ATP8B1: variants seen among roughly 807,000 people sequenced by gnomAD.
ATP8B1 encodes phospholipid-transporting ATPase IC.
Under a neutral mutation model 149.9 loss-of-function variants are expected in ATP8B1, and 80 were observed. The observed-to-expected ratio is 0.53, with a 90% confidence interval of 0.45 to 0.64. The LOEUF (loss-of-function observed/expected upper bound fraction) is 0.64. Ranked by LOEUF, ATP8B1 falls within the 30% of genes least tolerant of loss-of-function variation. ATP8B1 has a pLI of 0.00. For missense variants in ATP8B1, 1,247 were observed against 1,552.6 expected, an observed-to-expected ratio of 0.80 and a Z score of 3.31; for synonymous variants, 536 against 562.8, an observed-to-expected ratio of 0.95 and a Z score of 0.67.
At chr18:57,649,411 A>G (rs1254168140) in intron 27 of ATP8B1, among the ~76,000 whole-genome samples, 2 of 152,140 alleles carry the variant, frequency 1.3e-5, no homozygotes, top group African/African-American at 2.4e-5. Context: ...CTCTGAAGCT[A>G]GTGCCCTTTT....
chr18:57,700,805 C>T (rs1039297855), intron 6 of ATP8B1, among the ~76,000 whole-genome samples: 8 of 152,120 alleles, frequency 5.3e-5, no homozygotes, highest in Non-Finnish European at 1.2e-4. Flanking sequence ...GTAATCCCAT[C>T]TACTCGGAGG....
intron 2 of ATP8B1, among the ~76,000 whole-genome samples, chr18:57,708,313 A>G (rs529944776): frequency 7.2e-5 from 11 of 152,234 alleles, no homozygotes; most frequent in African/African-American, 2.4e-4. Context: ...CAGTTGTGTT[A>G]TTACAAATGA....
intron 2 of ATP8B1, among the ~76,000 whole-genome samples, chr18:57,724,497 A>G (rs986310538): frequency 6.6e-6 from 1 of 152,200 alleles, no homozygotes; most frequent in Non-Finnish European, 1.5e-5. Flanking sequence ...AACACATGAA[A>G]AAATGCTCAT....
intron 15 of ATP8B1, among the ~76,000 whole-genome samples, chr18:57,682,426 T>C (rs1349343259): frequency 2.6e-5 from 4 of 152,164 alleles, no homozygotes; most frequent in Non-Finnish European, 4.4e-5. Context: ...CTTCCCATAA[T>C]ATCCCACTGG....
intron 1 of ATP8B1, among the ~76,000 whole-genome samples, chr18:57,750,628 G>A (rs1568053520): frequency 6.6e-6 from 1 of 152,164 alleles, no homozygotes; most frequent in Non-Finnish European, 1.5e-5. Flanking sequence ...TCAGTTCCTA[G>A]GCTCATTCTG....
chr18:57,726,859 C>T (rs1379092876), intron 2 of ATP8B1, among the ~76,000 whole-genome samples: 1 of 152,212 alleles, frequency 6.6e-6, no homozygotes, highest in Non-Finnish European at 1.5e-5. Context: ...GTGGGCGAAT[C>T]ACCTTAGGTC....
At chr18:57,756,726 T>G (rs1461786843) in intron 1 of ATP8B1, among the ~76,000 whole-genome samples, 2 of 152,178 alleles carry the variant, frequency 1.3e-5, no homozygotes, top group Non-Finnish European at 2.9e-5. Context: ...CCTCGTGATT[T>G]AATTCAAGGT....
chr18:57,648,510 T>C lies in ATP8B1; in HGVS notation c.3734A>G (p.Tyr1245Cys), dbSNP rs945318537. 8.7e-6 allele frequency: 14 copies of C among 1,611,252 alleles called. No homozygotes were observed. Among genetic ancestry groups the C allele is most frequent in the African/African-American group, 2.7e-5 (2 of 74,886 alleles). The change falls in exon 28 of 28, where the codon TAC becomes TGC. Residue 1245 changes from tyrosine (Y) to cysteine (C), a missense_variant. Coordinates refer to ENST00000648908, the MANE Select transcript of ATP8B1 (RefSeq NM_001374385.1). ...DAIVADGTAEYRRTGDS is the reference protein window; with the variant it reads ...DAIVADGTAECRRTGDS ...GGATCAGCTGTCCCCGGTGCGCCTG[T>C]ACTCCGCGGTGCCATCCGCCACGAT...
In ATP8B1 at chr18:57,704,636, T is replaced by A. The variant is rs1913294382; in HGVS notation, c.312A>T (p.Ala104=). The A allele has an allele frequency of 6.2e-7, 1 of 1,609,926 alleles. No homozygotes were observed. Among genetic ancestry groups the A allele is most frequent in the Non-Finnish European group, 8.5e-7 (1 of 1,176,180 alleles). ...ACAGATTCATTGGTATAAAGGTAAA[T>A]GCGTTGTACTTGTATGTTTTAATTG... is the stretch of plus-strand genomic sequence containing the variant. The part of the protein sequence containing the change: ...NNAIKTYKYN[A]FTFIPMNLFE... Residue 104 remains alanine (A), a synonymous_variant, in exon 4 of 28, where the codon GCA becomes GCT. Transcript: ENST00000648908.
At chr18:57,724,994 C>G (rs1169848681) in intron 2 of ATP8B1, among the ~76,000 whole-genome samples, 1 of 116,356 alleles carries the variant, frequency 8.6e-6, no homozygotes, top group Non-Finnish European at 1.7e-5. Flanking sequence ...AGTAAACTAT[C>G]GCAAGAACAA....
At chr18:57,662,357 C>G in intron 21 of ATP8B1, 126 bp downstream of exon 21, 2 of 1,171,750 alleles carry the variant, frequency 1.7e-6, no homozygotes, top group Non-Finnish European at 2.4e-6. Context: ...CTTGGAAAAA[C>G]CACACTTTCA....
At chr18:57,756,763 G>C (rs1032397845) in intron 1 of ATP8B1, among the ~76,000 whole-genome samples, 1 of 152,070 alleles carries the variant, frequency 6.6e-6, no homozygotes, top group Non-Finnish European at 1.5e-5. Flanking sequence ...ACATCACATA[G>C]GTGATGCTGC....
intron 15 of ATP8B1, among the ~76,000 whole-genome samples, chr18:57,683,445 C>A (rs1021751644): frequency 3.9e-5 from 6 of 152,176 alleles, no homozygotes; most frequent in African/African-American, 1.4e-4. Context: ...AAAGCTGGCA[C>A]AAACTGCATC....
chr18:57,672,884 A>G (rs1424084721), intron 16 of ATP8B1, among the ~76,000 whole-genome samples: 2 of 41,832 alleles, frequency 4.8e-5, no homozygotes, highest in Non-Finnish European at 9.1e-5. Context: ...AAAAAAAAAA[A>G]AGTATATATA....
intron 1 of ATP8B1, among the ~76,000 whole-genome samples, chr18:57,741,191 C>T (rs1225148582): frequency 6.6e-6 from 1 of 152,194 alleles, no homozygotes; most frequent in South Asian, 2.1e-4. Context: ...CCACCTTGGC[C>T]TCCCCAAGTG....
chr18:57,786,398 C>T (rs1264527786), intron 1 of ATP8B1, among the ~76,000 whole-genome samples: 1 of 152,182 alleles, frequency 6.6e-6, no homozygotes, highest in East Asian at 1.9e-4. Flanking sequence ...GAGCAGGCAT[C>T]AGAATCACCT....
intron 1 of ATP8B1, among the ~76,000 whole-genome samples, chr18:57,738,982 T>C (rs942922509): frequency 1.3e-4 from 19 of 151,986 alleles, no homozygotes; most frequent in African/African-American, 3.6e-4. Flanking sequence ...CCTAATCCAA[T>C]AGGACTTGTG....
At chr18:57,659,566 AAAAT>A (rs1423578418) in intron 22 of ATP8B1, among the ~76,000 whole-genome samples, 1 of 151,996 alleles carries the variant, frequency 6.6e-6, no homozygotes, top group African/African-American at 2.4e-5. Flanking sequence ...TACGTAATGG[AAAAT>A]AAACTAGAGC....
At chr18:57,694,556 G>C (rs1397727244) in intron 11 of ATP8B1, 26 bp downstream of exon 11, 4 of 1,392,166 alleles carry the variant, frequency 2.9e-6, no homozygotes, top group Non-Finnish European at 3.1e-6. Context: ...CTAGATGAGA[G>C]ATCTACTGAG....
Sources: gnomAD v4.1 joint callset for allele counts (sites outside exome capture counted in the v4.1 genomes callset) on GRCh38, gnomAD v4.1.1 for gene constraint, MANE v1.5 for transcripts, NCBI Gene and HGNC (gene_info 2026-07-23, HGNC 2026-07-21) for gene names.